The following PARD3B variants were observed in gnomAD, a reference collection of about 807,000 sequenced individuals.
PARD3B encodes partitioning defective 3 homolog B.
PARD3B carries 103 observed loss-of-function variants against 130.2 expected under a neutral mutation model. That is an observed-to-expected ratio of 0.79 (90% CI 0.67 to 0.93). The LOEUF is 0.93. PARD3B is among the 40% of genes least tolerant of loss of function. The probability of loss-of-function intolerance (pLI) is 0.00; values close to 1 mark genes in which losing one functional copy is unlikely to be tolerated. For missense variants in PARD3B, 1,609 were observed against 1,499.2 expected (o/e 1.07, Z -1.21); for synonymous variants, 583 against 553.2 (o/e 1.05, Z -0.76).
At chr2:205,513,891 G>GAGAT (rs2050688334) in intron 21 of PARD3B, among the ~76,000 whole-genome samples, 1 of 152,058 alleles carries the variant, frequency 6.6e-6, no homozygotes, top group African/African-American at 2.4e-5. Context: ...AAGAATTAAC[G>GAGAT]AGATAGATTT....
chr2:204,701,861 C>G (rs966355824), intron 2 of PARD3B, among the ~76,000 whole-genome samples: 1 of 152,030 alleles, frequency 6.6e-6, no homozygotes, highest in Non-Finnish European at 1.5e-5. Context: ...GCAAGGTACC[C>G]AAGAGTTAGC....
chr2:205,138,326 C>T (rs1172490607), intron 10 of PARD3B, among the ~76,000 whole-genome samples: 1 of 152,146 alleles, frequency 6.6e-6, no homozygotes, highest in Non-Finnish European at 1.5e-5. Context: ...TTACCTAAAA[C>T]ATTGTGGCTC....
intron 2 of PARD3B, among the ~76,000 whole-genome samples, chr2:204,912,297 C>G (rs185325837): frequency 2.4e-4 from 37 of 152,296 alleles, no homozygotes; most frequent in Admixed American, 7.8e-4. Flanking sequence ...GGTAAAATTA[C>G]TGAAGACTTT....
chr2:205,476,856 A>G (rs1362567455), intron 20 of PARD3B, among the ~76,000 whole-genome samples: 1 of 152,116 alleles, frequency 6.6e-6, no homozygotes, highest in African/African-American at 2.4e-5. Flanking sequence ...TCATGTGTGT[A>G]TGTGTATGCG....
rs561553076 is a variant in PARD3B at position 205,524,331 on chromosome 2, C to T, written c.3180+24300C>T. Among the ~76,000 whole-genome samples, 4 of 152,228 alleles carry T rather than the reference C, an allele frequency of 2.6e-5. No individual in the cohort carries two copies. The South Asian group carries it at 6.2e-4, about 24-fold the overall frequency. ...TACATCTGAAGATTTGTAGAAGAGT[C>T]CCCTCAAACCTCAACATCAGGACTG... is the stretch of plus-strand genomic sequence containing the variant. On this transcript the variant is annotated intron_variant, in intron 21 of 22. Coordinates refer to ENST00000406610, the MANE Select transcript of PARD3B (RefSeq NM_001302769.2).
At chr2:204,895,378 C>T (rs866943698) in intron 2 of PARD3B, among the ~76,000 whole-genome samples, 7 of 151,920 alleles carry the variant, frequency 4.6e-5, no homozygotes, top group African/African-American at 9.7e-5. Context: ...CTTTGCATTA[C>T]CTAGCCCTTT....
chr2:204,692,109 G>T (rs1360763498), intron 2 of PARD3B, among the ~76,000 whole-genome samples: 1 of 152,084 alleles, frequency 6.6e-6, no homozygotes, highest in Non-Finnish European at 1.5e-5. Flanking sequence ...TTGCCCTCTA[G>T]TGGGTCCACA....
chr2:205,367,866 C>G (rs922393772), intron 18 of PARD3B, among the ~76,000 whole-genome samples: 5 of 152,332 alleles, frequency 3.3e-5, no homozygotes, highest in Non-Finnish European at 7.3e-5. Flanking sequence ...GTGGTTAAGT[C>G]TACTGATCCT....
chr2:204,965,594 A>G (rs1206450551), intron 3 of PARD3B, among the ~76,000 whole-genome samples: 1 of 152,152 alleles, frequency 6.6e-6, no homozygotes, highest in East Asian at 1.9e-4. Flanking sequence ...GTTTGCCTGT[A>G]TCATATGAGT....
chr2:204,648,009 A>G (rs1042467548), intron 1 of PARD3B, among the ~76,000 whole-genome samples: 7 of 151,594 alleles, frequency 4.6e-5, no homozygotes, highest in African/African-American at 1.4e-4. Flanking sequence ...ATTTTTGTGT[A>G]TATTTGGAGA....
intron 10 of PARD3B, among the ~76,000 whole-genome samples, chr2:205,140,890 A>T (rs2032895686): frequency 6.6e-6 from 1 of 152,190 alleles, no homozygotes; most frequent in Non-Finnish European, 1.5e-5. Flanking sequence ...ATCTGAACAT[A>T]CAGTCTTCAT....
At chr2:204,579,515 G>C (rs2032438553) in intron 1 of PARD3B, among the ~76,000 whole-genome samples, 1 of 152,102 alleles carries the variant, frequency 6.6e-6, no homozygotes, top group African/African-American at 2.4e-5. Flanking sequence ...AAGGAAACTG[G>C]CTCTGTTCTA....
At chr2:205,311,067 C>T (rs1483162700) in intron 18 of PARD3B, among the ~76,000 whole-genome samples, 2 of 152,158 alleles carry the variant, frequency 1.3e-5, no homozygotes, top group Non-Finnish European at 2.9e-5. Flanking sequence ...TTTCTTTATC[C>T]ATTCATCTGC....
intron 15 of PARD3B, among the ~76,000 whole-genome samples, chr2:205,223,072 G>A (rs1377369230): frequency 1.3e-5 from 2 of 152,104 alleles, no homozygotes; most frequent in Non-Finnish European, 2.9e-5. Flanking sequence ...AATATTCTAG[G>A]AAGTACAGGT....
At chr2:205,435,993 A>G (rs1440196019) in intron 19 of PARD3B, among the ~76,000 whole-genome samples, 1 of 152,308 alleles carries the variant, frequency 6.6e-6, no homozygotes, top group East Asian at 1.9e-4. Flanking sequence ...ATAGTTCAAG[A>G]GACCGAGAAG....
At chr2:205,120,067 A>T (rs2030491065) in intron 7 of PARD3B, among the ~76,000 whole-genome samples, 1 of 152,106 alleles carries the variant, frequency 6.6e-6, no homozygotes, top group African/African-American at 2.4e-5. Flanking sequence ...GTGGACAAAG[A>T]TGAGTGGTTG....
At chr2:204,636,545 T>A (rs925285700) in intron 1 of PARD3B, among the ~76,000 whole-genome samples, 11 of 151,970 alleles carry the variant, frequency 7.2e-5, no homozygotes, top group African/African-American at 2.7e-4. Flanking sequence ...CTTGATGCCA[T>A]GTTTATCTAC....
In PARD3B at chr2:204,664,364, A is replaced by G. The variant is rs935701234; in HGVS notation, c.121-21817A>G. 6.6e-6 allele frequency among the ~76,000 whole-genome samples: 1 copy of G among 152,188 alleles called. No individual in the cohort carries two copies. The highest frequency in any genetic ancestry group is 1.5e-5 in the Non-Finnish European group (1 of 68,024). The stretch of plus-strand genomic sequence containing the variant: ...ATCTGGGAGTGTCTGTTGTGTTTGC[A>G]TGCACCAGATGAGCTGGAGAAGTTG... On this transcript the variant is annotated intron_variant, in intron 1 of 22. Transcript: ENST00000406610. The surrounding 1 kb of genome is among the most constrained non-coding windows in gnomAD (Gnocchi z 5.2).
chr2:204,612,493 C>G (rs1293984248), intron 1 of PARD3B, among the ~76,000 whole-genome samples: 1 of 152,128 alleles, frequency 6.6e-6, no homozygotes, highest in African/African-American at 2.4e-5. Context: ...TTTACAAATA[C>G]ATTTCTTTGA....
Sources: allele counts gnomAD v4.1 joint callset (sites outside exome capture counted in the v4.1 genomes callset), GRCh38; gene constraint gnomAD v4.1.1; non-coding constraint Gnocchi (gnomAD v3.1); transcripts MANE v1.5; gene names NCBI Gene and HGNC (gene_info 2026-07-23, HGNC 2026-07-21).